Variants in ARHGEF2 observed in about 807,000 individuals in gnomAD.
ARHGEF2 encodes the protein rho guanine nucleotide exchange factor 2.
ARHGEF2 carries 22 observed loss-of-function variants against 121.0 expected under a neutral mutation model. That is an observed-to-expected ratio of 0.18 (90% CI 0.13 to 0.26). ARHGEF2 has a LOEUF of 0.26. ARHGEF2 is among the 10% of genes least tolerant of loss of function. The pLI is 1.00. For missense variants in ARHGEF2, 907 were observed against 1,336.0 expected (o/e 0.68, Z 5.01); for synonymous variants, 487 against 530.0 (o/e 0.92, Z 1.11).
chr1:155,956,812 T>C (rs944209231), intron 13 of ARHGEF2, among the ~76,000 whole-genome samples: 4 of 133,768 alleles, frequency 3.0e-5, no homozygotes, highest in African/African-American at 1.1e-4. Flanking sequence ...AAAAATTAGC[T>C]GGGCATGGTG....
rs1572063181 is a variant in ARHGEF2, at chr1:155,952,770, C to T, written c.1842G>A (p.Leu614=). The change falls in exon 15 of 22, where the codon CTG becomes CTA. Residue 614 remains leucine (L), a synonymous_variant. Transcript: ENST00000361247. ...LVELLREKVG[L]FAEMTHFQAE... is the part of the protein sequence containing the mutation. ...CCTGGAAATGGGTCATCTCAGCAAACAGCCCGACCTTCTCTCGCAGCAGCT... is the reference window on the plus strand; with the variant it reads ...CCTGGAAATGGGTCATCTCAGCAAATAGCCCGACCTTCTCTCGCAGCAGCT... 1 of 1,614,226 alleles carries T rather than the reference C, an allele frequency of 6.2e-7. No homozygotes were observed. Among genetic ancestry groups the T allele is most frequent in the East Asian group, 2.2e-5 (1 of 44,884 alleles).
In ARHGEF2 at chr1:155,970,373, C is replaced by G. The variant is rs572415083; in HGVS notation, c.64-1073G>C. ...TCAAGCCCCTGTGATTCCCAAAAAG[C>G]CTGAGAAGGTGAGAAGAGGGGGATA... On this transcript the variant is annotated intron_variant, in intron 1 of 21. Coordinates refer to ENST00000361247, the MANE Select transcript of ARHGEF2 (RefSeq NM_001162383.2). 48 of 985,484 alleles carry G rather than the reference C, an allele frequency of 4.9e-5. No homozygotes were observed. In the African/African-American group the frequency reaches 7.0e-4, roughly 14 times the overall value. 61.0% of individuals were successfully genotyped at this position (985,484 alleles called of 1,614,324 possible).
At position 155,958,273 on chromosome 1, in the gene ARHGEF2, C is replaced by T; in HGVS notation, c.1545+47G>A. 1.9e-6 allele frequency: 3 copies of T among 1,544,124 alleles called. No individual in the cohort carries two copies. The African/African-American group carries it at 4.1e-5, about 21-fold the overall frequency. ...GCTTGGGCAGGAAAGCAAGAAGAGA[C>T]TAAAACACTTGTCTGTGCTGAGAAA... On this transcript the variant is annotated intron_variant, in intron 12 of 21. Transcript: ENST00000361247.
chr1:155,960,315 A>T (rs1419055903), intron 11 of ARHGEF2, among the ~76,000 whole-genome samples: 2 of 152,090 alleles, frequency 1.3e-5, no homozygotes, highest in Non-Finnish European at 2.9e-5. Flanking sequence ...CAAAAAATTT[A>T]AAAATGTGCT....
intron 14 of ARHGEF2, 61 bp from the exon 15 acceptor site, chr1:155,952,889 G>A: frequency 6.5e-7 from 1 of 1,542,722 alleles, no homozygotes; most frequent in Admixed American, 1.7e-5. Flanking sequence ...AGCGCCAGTA[G>A]AGGACAGCCC....
Position 155,978,441 on chromosome 1 carries a change from G to A in ARHGEF2, c.-14C>T, listed in dbSNP as rs775452481. The A allele has an allele frequency of 3.4e-5, 50 of 1,474,946 alleles. 1 individual carries two copies. In the South Asian group the frequency reaches 5.2e-4, roughly 15 times the overall value. The allele number at this position is 1,474,946 out of a possible 1,614,324, so 91.4% of individuals were successfully genotyped here. On this transcript the variant is annotated 5_prime_UTR_variant, in exon 1 of 22. Transcript: ENST00000361247. This position sits in a 1 kb window ranked among gnomAD's most constrained non-coding sequence, Gnocchi z 4.1. ...GATCCGAGACATAATCGGACGGGGG[G>A]ACCAGGGAGGACGCGGCGCGGACCC...
intron 21 of ARHGEF2, among the ~76,000 whole-genome samples, chr1:155,949,206 T>A (rs1674888765): frequency 6.6e-6 from 1 of 151,490 alleles, no homozygotes; most frequent in African/African-American, 2.4e-5. Flanking sequence ...TGAGCTGAGA[T>A]TGTGCCACTG....
chr1:155,970,351 A>G (rs1247333681), intron 1 of ARHGEF2: 2 of 985,334 alleles, frequency 2.0e-6, no homozygotes, highest in Non-Finnish European at 2.4e-6. Flanking sequence ...TCCCTCTTCA[A>G]GCCCCTGTGA....
At chr1:155,967,517 C>T (rs562668846) in intron 2 of ARHGEF2, among the ~76,000 whole-genome samples, 1 of 152,242 alleles carries the variant, frequency 6.6e-6, no homozygotes, top group East Asian at 1.9e-4. Context: ...CCTTCCCTCG[C>T]ACCACATGCC....
At chr1:155,966,942 C>T (rs1048017198) in intron 2 of ARHGEF2, 55 bp from the exon 3 acceptor site, 7 of 1,524,094 alleles carry the variant, frequency 4.6e-6, no homozygotes, top group Non-Finnish European at 5.5e-6. Flanking sequence ...CAGGAGGGGA[C>T]ACACCCACAT....
chr1:155,972,239 A>G (rs1030953119), intron 1 of ARHGEF2: 1 of 465,730 alleles, frequency 2.1e-6, no homozygotes, highest in African/African-American at 2.0e-5. Context: ...TGCCTCCTCC[A>G]CCTCCCAACA....
In ARHGEF2 at chr1:155,947,659, C is replaced by T. The variant is rs1674608276; in HGVS notation, c.*283G>A. On this transcript the variant is annotated 3_prime_UTR_variant, in exon 22 of 22. Coordinates refer to ENST00000361247, the MANE Select transcript of ARHGEF2 (RefSeq NM_001162383.2). ...GGTCCTTTAAATCTCCCCTCTCCCC[C>T]CATAACTAATAAACAATAAATAAAT... 4.7e-6 allele frequency: 2 copies of T among 424,774 alleles called. No homozygotes were observed. The highest frequency in any genetic ancestry group is 2.0e-5 in the African/African-American group (1 of 49,794). The allele number at this position is 424,774 out of a possible 1,614,324, so 26.3% of individuals were successfully genotyped here.
chr1:155,960,586 T>G (rs1235516164), intron 11 of ARHGEF2, among the ~76,000 whole-genome samples: 1 of 152,078 alleles, frequency 6.6e-6, no homozygotes, highest in Non-Finnish European at 1.5e-5. Flanking sequence ...AATAACACTC[T>G]CCAGCCTTGC....
chr1:155,953,633 T>C (rs1251264468), intron 14 of ARHGEF2, among the ~76,000 whole-genome samples: 2 of 151,242 alleles, frequency 1.3e-5, no homozygotes, highest in African/African-American at 4.9e-5. Flanking sequence ...TCCCAGCTCC[T>C]TGGGAGGCTG....
chr1:155,955,025 G>T, intron 13 of ARHGEF2, 56 bp from the exon 14 acceptor site: 1 of 1,464,224 alleles, frequency 6.8e-7, no homozygotes, highest in Non-Finnish European at 9.5e-7. Context: ...TTATAGACCA[G>T]AATCAGCCTT....
Position 155,957,808 on chromosome 1 carries a change from C to T in ARHGEF2, c.1620G>A (p.Leu540=), listed in dbSNP as rs1404561150. The T allele has an allele frequency of 6.2e-7, 1 of 1,614,224 alleles. No individual in the cohort carries two copies. The highest frequency in any genetic ancestry group is 8.5e-7 in the Non-Finnish European group (1 of 1,180,040). Residue 540 remains leucine (L), a synonymous_variant, in exon 13 of 22, where the codon CTG becomes CTA. Coordinates refer to ENST00000361247, the MANE Select transcript of ARHGEF2 (RefSeq NM_001162383.2). The stretch of plus-strand genomic sequence containing the variant: ...ACATCTCAGGTGGGGCTGCGCTGAT[C>T]AGAAACATCCCTTTCTCCTGGTTGG... The part of the protein sequence containing the change: ...DIANQEKGMF[L]ISAAPPEMYE...
At chr1:155,964,163 A>T (rs369672037) in intron 7 of ARHGEF2, among the ~76,000 whole-genome samples, 61,721 of 85,064 alleles carry the variant, frequency 0.73, 20,994 homozygotes, top group East Asian at 0.87. Context: ...AAAAAAAAAA[A>T]AAAAATATAT....
At chr1:155,969,666 G>A (rs962607307) in intron 1 of ARHGEF2, 3 of 1,052,782 alleles carry the variant, frequency 2.8e-6, no homozygotes, top group South Asian at 3.6e-5. Flanking sequence ...CTGTGCTAGG[G>A]GGAAGATGCG....
In ARHGEF2 at chr1:155,978,178, C is replaced by T. The variant is rs2102702093; in HGVS notation, c.63+187G>A. The T allele has an allele frequency of 1.5e-6, 2 of 1,303,898 alleles. No homozygotes were observed. Among genetic ancestry groups the T allele is most frequent in the East Asian group, 3.4e-5 (1 of 29,626 alleles). 80.8% of individuals were successfully genotyped at this position (1,303,898 alleles called of 1,614,324 possible). ...GGGATCCCAGCACCGTCGCGTCTGCCGCTCCCCCCACCCCTACCCACTCGC... is the reference window on the plus strand; with the variant it reads ...GGGATCCCAGCACCGTCGCGTCTGCTGCTCCCCCCACCCCTACCCACTCGC... On this transcript the variant is annotated intron_variant, in intron 1 of 21. Transcript: ENST00000361247. The surrounding 1 kb of genome is among the most constrained non-coding windows in gnomAD (Gnocchi z 4.1).
Sources: gnomAD v4.1 joint callset for allele counts (sites outside exome capture counted in the v4.1 genomes callset) on GRCh38, gnomAD v4.1.1 for gene constraint, Gnocchi (gnomAD v3.1) non-coding constraint, MANE v1.5 for transcripts, NCBI Gene and HGNC (gene_info 2026-07-23, HGNC 2026-07-21) for gene names.